Variants in POU6F2 observed in about 807,000 individuals in gnomAD.
The protein encoded by POU6F2 is POU class 6 homeobox 2, also known as POU domain, class 6, transcription factor 2.
Under a neutral mutation model 71.3 loss-of-function variants are expected in POU6F2, and 31 were observed. The observed-to-expected ratio is 0.43, with a 90% CI of 0.33 to 0.59. POU6F2 has a LOEUF of 0.59. Among genes scored for constraint, POU6F2 ranks in the 20% least tolerant of loss-of-function variants. POU6F2 has a pLI of 0.04. For missense variants in POU6F2, 783 were observed against 856.8 expected (o/e 0.91, Z 1.07); for synonymous variants, 347 against 355.7 (o/e 0.98, Z 0.27).
chr7:39,320,032 T>G (rs1455506776), intron 4 of POU6F2, among the ~76,000 whole-genome samples: 1 of 152,234 alleles, frequency 6.6e-6, no homozygotes, highest in East Asian at 1.9e-4. Flanking sequence ...AACATGACTT[T>G]AAGCCGGCTC....
chr7:39,413,368 A>G (rs1787595819), intron 6 of POU6F2, among the ~76,000 whole-genome samples: 1 of 152,126 alleles, frequency 6.6e-6, no homozygotes, highest in Non-Finnish European at 1.5e-5. Flanking sequence ...ACAGAATAAT[A>G]CCATTTTTAA....
chr7:39,020,872 A>C (rs1334101550), intron 1 of POU6F2, among the ~76,000 whole-genome samples: 1 of 151,980 alleles, frequency 6.6e-6, no homozygotes, highest in Non-Finnish European at 1.5e-5. Flanking sequence ...ATTTTGCTTA[A>C]GCTATACTTT....
intron 2 of POU6F2, among the ~76,000 whole-genome samples, chr7:39,197,245 G>A (rs1275567043): frequency 6.6e-6 from 1 of 152,164 alleles, no homozygotes; most frequent in Non-Finnish European, 1.5e-5. Flanking sequence ...TTGGGCTCAG[G>A]TGAGGGGAAG....
intron 2 of POU6F2, among the ~76,000 whole-genome samples, chr7:39,197,255 G>C (rs557826700): frequency 1.3e-5 from 2 of 152,282 alleles, no homozygotes; most frequent in Non-Finnish European, 2.9e-5. Context: ...GTGAGGGGAA[G>C]GTCATATGCT....
At chr7:39,421,410 A>G (rs1787847054) in intron 6 of POU6F2, among the ~76,000 whole-genome samples, 1 of 152,240 alleles carries the variant, frequency 6.6e-6, no homozygotes, top group African/African-American at 2.4e-5. Flanking sequence ...TCTTGGACTC[A>G]TGAAACTGAG....
In POU6F2 at chr7:39,219,893, AT is replaced by A. The variant is rs573599245; in HGVS notation, c.598+12277del. On this transcript the variant is annotated intron_variant, in intron 4 of 9. Transcript: ENST00000518318. Reference sequence around the variant, plus strand: ...ACAACATTTGACATAAGATAATTTGATTTTGCTGTGCTTGGAAAATAACTCA... The same window carrying A: ...ACAACATTTGACATAAGATAATTTGATTTGCTGTGCTTGGAAAATAACTCA... Among the ~76,000 whole-genome samples the A allele has an allele frequency of 1.6e-3, 241 of 152,264 alleles. 1 individual carries two copies. The highest frequency in any genetic ancestry group is 5.3e-3 in the African/African-American group (222 of 41,568).
At chr7:39,142,284 T>C (rs1223767582) in intron 2 of POU6F2, among the ~76,000 whole-genome samples, 4 of 152,226 alleles carry the variant, frequency 2.6e-5, no homozygotes, top group Non-Finnish European at 5.9e-5. Flanking sequence ...ATCTCTTGGT[T>C]ATTGGTCTGC....
At chr7:39,306,130 G>C (rs1260269457) in intron 4 of POU6F2, among the ~76,000 whole-genome samples, 2 of 152,084 alleles carry the variant, frequency 1.3e-5, no homozygotes, top group African/African-American at 4.8e-5. Flanking sequence ...TAGAAACCAG[G>C]TTCACAAATC....
intron 2 of POU6F2, among the ~76,000 whole-genome samples, chr7:39,142,904 A>G (rs1184669035): frequency 6.6e-6 from 1 of 152,218 alleles, no homozygotes; most frequent in Non-Finnish European, 1.5e-5. Flanking sequence ...ATAAAATCAT[A>G]TGTACATTTA....
At chr7:39,207,314 A>T (rs1794033893) in intron 3 of POU6F2, 78 bp from the exon 4 acceptor site, 2 of 1,363,304 alleles carry the variant, frequency 1.5e-6, no homozygotes, top group East Asian at 2.3e-5. Flanking sequence ...GACCCTACTT[A>T]AGTGGAAAGA....
intron 4 of POU6F2, among the ~76,000 whole-genome samples, chr7:39,263,070 G>A (rs554581745): frequency 1.4e-4 from 21 of 152,142 alleles, no homozygotes; most frequent in Admixed American, 5.2e-4. Context: ...AGAAATTCAG[G>A]CCACATTTTT....
At chr7:39,112,177 C>A (rs532716210) in intron 2 of POU6F2, among the ~76,000 whole-genome samples, 1 of 152,076 alleles carries the variant, frequency 6.6e-6, no homozygotes, top group Non-Finnish European at 1.5e-5. Flanking sequence ...CCCTTGTCAA[C>A]GTGTCTGCAC....
intron 8 of POU6F2, among the ~76,000 whole-genome samples, chr7:39,458,620 T>C (rs970710820): frequency 1.3e-5 from 2 of 152,084 alleles, no homozygotes; most frequent in Non-Finnish European, 2.9e-5. Flanking sequence ...ACAAATCTCA[T>C]TAGCCAAGGG....
chr7:39,419,907 A>G (rs1466775137), intron 6 of POU6F2, among the ~76,000 whole-genome samples: 2 of 152,212 alleles, frequency 1.3e-5, no homozygotes, highest in Non-Finnish European at 2.9e-5. Flanking sequence ...TGACATGACT[A>G]TGTGGCTGCT....
At chr7:39,223,872 C>A (rs62443966) in intron 4 of POU6F2, among the ~76,000 whole-genome samples, 19,397 of 152,162 alleles carry the variant, frequency 0.13, 1,253 homozygotes, top group Middle Eastern at 0.15. Flanking sequence ...GTAGTTAAAG[C>A]CTTCAAGTTA....
chr7:39,376,424 G>T (rs771822374), intron 5 of POU6F2, among the ~76,000 whole-genome samples: 23 of 152,162 alleles, frequency 1.5e-4, no homozygotes, highest in Non-Finnish European at 3.1e-4. Flanking sequence ...CAAAGGAGAG[G>T]AGCACTGAGG....
chr7:39,181,410 C>T (rs1029617432), intron 2 of POU6F2, among the ~76,000 whole-genome samples: 1 of 152,188 alleles, frequency 6.6e-6, no homozygotes, highest in African/African-American at 2.4e-5. Flanking sequence ...CTCTTTACTC[C>T]AGAGACCATA....
chr7:39,366,187 G>A (rs146662779), intron 5 of POU6F2, among the ~76,000 whole-genome samples: 1 of 152,274 alleles, frequency 6.6e-6, no homozygotes, highest in East Asian at 1.9e-4. Flanking sequence ...GGCAGGAAAG[G>A]CCAGAGAGTG....
intron 1 of POU6F2, among the ~76,000 whole-genome samples, chr7:39,006,262 G>A (rs1229109155): frequency 6.6e-6 from 1 of 152,110 alleles, no homozygotes; most frequent in African/African-American, 2.4e-5. Context: ...TCAGGAGTTT[G>A]AGGCCAGCCT....
Sources: allele counts gnomAD v4.1 joint callset (sites outside exome capture counted in the v4.1 genomes callset), GRCh38; gene constraint gnomAD v4.1.1; transcripts MANE v1.5; gene names NCBI Gene and HGNC (gene_info 2026-07-23, HGNC 2026-07-21).